Variants in SLC2A13 observed in about 807,000 individuals in gnomAD.
The protein encoded by SLC2A13 is proton myo-inositol cotransporter.
A neutral mutation model predicts 64.4 loss-of-function variants in SLC2A13; 32 were observed. The observed-to-expected ratio is 0.50, with a 90% CI of 0.37 to 0.67. The LOEUF (loss-of-function observed/expected upper bound fraction) is 0.67, where lower values mean the gene tolerates loss of function less well. Among genes scored for constraint, SLC2A13 ranks in the 30% least tolerant of loss-of-function variants. SLC2A13 has a pLI of 0.00. For synonymous variants in SLC2A13, 338 were observed against 327.1 expected (o/e 1.03, Z -0.36); for missense variants, 743 against 829.2 (o/e 0.90, Z 1.28).
intron 1 of SLC2A13, among the ~76,000 whole-genome samples, chr12:40,075,732 A>T (rs1592061708): frequency 6.6e-6 from 1 of 152,224 alleles, no homozygotes; most frequent in Admixed American, 6.5e-5. Context: ...GCTGACACAA[A>T]TGTTAGAAAT....
chr12:39,785,103 G>A (rs1941138149), intron 7 of SLC2A13, among the ~76,000 whole-genome samples: 1 of 152,162 alleles, frequency 6.6e-6, no homozygotes, highest in Non-Finnish European at 1.5e-5. Flanking sequence ...AAGTAGCAAG[G>A]GGCCTAATGT....
intron 6 of SLC2A13, chr12:39,830,534 A>T: frequency 9.6e-7 from 1 of 1,044,890 alleles, no homozygotes; most frequent in Non-Finnish European, 1.2e-6. Flanking sequence ...TTGCTTTCCT[A>T]AACCACTGAG....
rs1174701447 is a variant in SLC2A13 at position 39,971,983 on chromosome 12, G to GAAA, written c.926-20621_926-20619dup. 6.7e-3 allele frequency among the ~76,000 whole-genome samples: 642 copies of GAAA among 95,758 alleles called. 30 individuals carry two copies. The highest frequency in any genetic ancestry group is 0.015 in the East Asian group (56 of 3,712). The allele number at this position is 95,758 out of a possible 152,430, so 62.8% of individuals were successfully genotyped here. ...AGGGGATGGAGCAAGAGTGTCTCCA[G>GAAA]AAAAAAAAAAAAAAATATATATATA... On this transcript the variant is annotated intron_variant, in intron 3 of 9. Coordinates refer to ENST00000280871, the MANE Select transcript of SLC2A13 (RefSeq NM_052885.4).
intron 4 of SLC2A13, among the ~76,000 whole-genome samples, chr12:39,922,539 GA>G (rs1330721845): frequency 6.6e-6 from 1 of 152,182 alleles, no homozygotes; most frequent in Non-Finnish European, 1.5e-5. Flanking sequence ...ATAAACAGCT[GA>G]AAAATGGGAA....
chr12:39,994,501 C>T (rs1444482253), intron 3 of SLC2A13, among the ~76,000 whole-genome samples: 1 of 151,716 alleles, frequency 6.6e-6, no homozygotes, highest in Non-Finnish European at 1.5e-5. Context: ...AAAAAACATA[C>T]CCATATCACT....
intron 3 of SLC2A13, among the ~76,000 whole-genome samples, chr12:39,960,235 C>T (rs1946385262): frequency 6.6e-6 from 1 of 152,080 alleles, no homozygotes; most frequent in African/African-American, 2.4e-5. Context: ...ATTACATTTC[C>T]TCTTTGATGC....
chr12:39,968,301 A>G (rs931839404), intron 3 of SLC2A13, among the ~76,000 whole-genome samples: 1 of 152,110 alleles, frequency 6.6e-6, no homozygotes, highest in Non-Finnish European at 1.5e-5. Flanking sequence ...AGATCTCATG[A>G]AAACTCACTG....
At chr12:39,978,312 C>T (rs192357064) in intron 3 of SLC2A13, among the ~76,000 whole-genome samples, 16 of 152,254 alleles carry the variant, frequency 1.1e-4, no homozygotes, top group African/African-American at 3.8e-4. Context: ...AAGTGCTTGA[C>T]TCTCGAGCCA....
chr12:39,877,019 T>C (rs1254316969), intron 4 of SLC2A13, among the ~76,000 whole-genome samples: 1 of 152,170 alleles, frequency 6.6e-6, no homozygotes, highest in Non-Finnish European at 1.5e-5. Flanking sequence ...TATTTTTTGG[T>C]ACCATATGCC....
chr12:39,937,362 G>C (rs7316296), intron 4 of SLC2A13, among the ~76,000 whole-genome samples: 15,530 of 152,220 alleles, frequency 0.1, 842 homozygotes, highest in East Asian at 0.19. Flanking sequence ...TGTGTGTAAA[G>C]AGTGAATTAA....
intron 3 of SLC2A13, among the ~76,000 whole-genome samples, chr12:39,964,307 A>T (rs1158293656): frequency 6.6e-6 from 1 of 152,220 alleles, no homozygotes; most frequent in Non-Finnish European, 1.5e-5. Context: ...AGTGGTAGTC[A>T]TTAAATAAAG....
rs1394030480 is a variant in SLC2A13, at chr12:40,105,497, C to T, written c.312G>A (p.Gly104=). ...LFGYDTGVVS[G]AMLLLKRQLS... is the part of the protein sequence containing the mutation. ...GCTGCCGCTTGAGCAGCAGCATGGC[C>T]CCTGACACCACCCCGGTGTCATAGC... Residue 104 remains glycine (G), a synonymous_variant, in exon 1 of 10, where the codon GGG becomes GGA. Transcript: ENST00000280871. The surrounding 1 kb of genome is among the most constrained non-coding windows in gnomAD (Gnocchi z 4.2). The T allele has an allele frequency of 6.3e-7, 1 of 1,577,230 alleles. No homozygotes were observed. Among genetic ancestry groups the T allele is most frequent in the Admixed American group, 1.8e-5 (1 of 55,650 alleles).
intron 3 of SLC2A13, among the ~76,000 whole-genome samples, chr12:39,975,627 C>T (rs1946744475): frequency 1.3e-5 from 2 of 152,108 alleles, no homozygotes; most frequent in Non-Finnish European, 2.9e-5. Flanking sequence ...GTAAGATTTC[C>T]CAGAAGGAAC....
At chr12:40,058,583 C>T (rs1393510512) in intron 1 of SLC2A13, among the ~76,000 whole-genome samples, 1 of 152,120 alleles carries the variant, frequency 6.6e-6, no homozygotes, top group East Asian at 1.9e-4. Flanking sequence ...CTTTACTATG[C>T]AGCCAAAATT....
At chr12:40,063,837 TA>T (rs1039344924) in intron 1 of SLC2A13, among the ~76,000 whole-genome samples, 2 of 152,178 alleles carry the variant, frequency 1.3e-5, no homozygotes, top group African/African-American at 4.8e-5. Flanking sequence ...TTTTACTTTT[TA>T]AAAAAACCAA....
At chr12:40,006,454 G>T (rs1947420009) in intron 3 of SLC2A13, among the ~76,000 whole-genome samples, 1 of 152,080 alleles carries the variant, frequency 6.6e-6, no homozygotes, top group Admixed American at 6.6e-5. Context: ...ACAAAACAAA[G>T]CATGTAAAGC....
intron 4 of SLC2A13, among the ~76,000 whole-genome samples, chr12:39,945,646 G>A (rs1414349281): frequency 6.6e-6 from 1 of 151,928 alleles, no homozygotes; most frequent in African/African-American, 2.4e-5. Flanking sequence ...TTCTGTTTCT[G>A]ACACTTCCCA....
chr12:40,025,179 T>C, intron 3 of SLC2A13, among the ~76,000 whole-genome samples: 1 of 152,238 alleles, frequency 6.6e-6, no homozygotes, highest in East Asian at 1.9e-4. Context: ...GCAGAAGAGA[T>C]GAGATTCCAT....
chr12:39,855,711 A>G (rs1023864433), intron 6 of SLC2A13, among the ~76,000 whole-genome samples: 4 of 152,210 alleles, frequency 2.6e-5, no homozygotes, highest in Admixed American at 1.3e-4. Context: ...CGATTTCCTA[A>G]GCTGTATAGA....
Sources: allele counts gnomAD v4.1 joint callset (sites outside exome capture counted in the v4.1 genomes callset), GRCh38; gene constraint gnomAD v4.1.1; non-coding constraint Gnocchi (gnomAD v3.1); transcripts MANE v1.5; gene names NCBI Gene and HGNC (gene_info 2026-07-23, HGNC 2026-07-21).